Variants in SEPTIN8 observed in about 807,000 individuals in gnomAD.
SEPTIN8 encodes the protein septin 8, also known as septin-8.
In SEPTIN8, 22 loss-of-function variants were observed where a neutral mutation model predicts 53.1. The observed-to-expected ratio is 0.41, with a 90% CI of 0.30 to 0.59. The LOEUF is 0.59. Ranked by LOEUF, SEPTIN8 falls within the 20% of genes least tolerant of loss-of-function variation. SEPTIN8 has a pLI of 0.24. For synonymous variants in SEPTIN8, 228 were observed against 248.4 expected (o/e 0.92, Z 0.77); for missense variants, 536 against 638.7 (o/e 0.84, Z 1.73).
intron 1 of SEPTIN8, among the ~76,000 whole-genome samples, chr5:132,767,662 T>C (rs1756739829): frequency 6.6e-6 from 1 of 152,184 alleles, no homozygotes; most frequent in African/African-American, 2.4e-5. Flanking sequence ...CTCCAACTGC[T>C]ACGGCATCAG....
intron 9 of SEPTIN8, among the ~76,000 whole-genome samples, chr5:132,759,568 TG>T (rs1352939335): frequency 4.0e-4 from 61 of 152,180 alleles, no homozygotes; most frequent in African/African-American, 1.4e-3. Flanking sequence ...AAAGTCACTT[TG>T]GGTGCCAGTA....
rs1374726008 is a variant in SEPTIN8 at position 132,776,168 on chromosome 5, CCTCCTT to C, written c.30+934_30+939del. Among the ~76,000 whole-genome samples the C allele has an allele frequency of 6.6e-6, 1 of 152,000 alleles. No homozygotes were observed. The highest frequency in any genetic ancestry group is 1.5e-5 in the Non-Finnish European group (1 of 67,988). ...AGCCCTGGGCCTCCCTCCTCCTCCT[CCTCCTT>C]CTCCCCCTCCTCCCCCTTCCAGCCG... On this transcript the variant is annotated intron_variant, in intron 1 of 9. Transcript: ENST00000378719. This position sits in a 1 kb window ranked among gnomAD's most constrained non-coding sequence, Gnocchi z 4.4.
Position 132,752,137 on chromosome 5 carries a change from C to T in SEPTIN8, c.1331G>A (p.Ser444Asn). Reference protein sequence around the residue: ...GAHQPGMSLSSSKVMMTKASV... With the variant: ...GAHQPGMSLSNSKVMMTKASV... ...GGCCTTGGTCATCATCACCTTAGAG[C>T]TGGAGAGGCTCATGCCCGGCTGGTG... Residue 444 changes from serine to asparagine, a missense_variant, in exon 10 of 10, where the codon AGC (serine) becomes AAC (asparagine). Around this residue, in one of 3 missense-constraint regions of SEPTIN8, gnomAD observed 133 missense variants for 157.4 expected, o/e 0.84. Coordinates refer to ENST00000378719, the MANE Select transcript of SEPTIN8 (RefSeq NM_001098811.2). 1.3e-6 allele frequency: 2 copies of T among 1,597,922 alleles called. No homozygotes were observed. Among genetic ancestry groups the T allele is most frequent in the Admixed American group, 1.7e-5 (1 of 57,832 alleles).
chr5:132,756,009 A>G (rs1457803363), intron 9 of SEPTIN8: 1 of 985,252 alleles, frequency 1.0e-6, no homozygotes, highest in Admixed American at 6.1e-5. Flanking sequence ...AAAACTCAAA[A>G]TAAATGCAAA....
Position 132,773,077 on chromosome 5 carries a change from C to T in SEPTIN8, c.30+4031G>A, listed in dbSNP as rs929625373. On this transcript the variant is annotated intron_variant, in intron 1 of 9. Coordinates refer to ENST00000378719, the MANE Select transcript of SEPTIN8 (RefSeq NM_001098811.2). The surrounding 1 kb of genome is among the most constrained non-coding windows in gnomAD (Gnocchi z 4.2). ...CCAAGATGCCCCCTGCCCCGTCCTC[C>T]GCTGCCTCTTCCCAGCCAGTTCTTT... Among the ~76,000 whole-genome samples, 5 of 152,190 alleles carry T rather than the reference C, an allele frequency of 3.3e-5. No individual in the cohort carries two copies. Among genetic ancestry groups the T allele is most frequent in the African/African-American group, 1.2e-4 (5 of 41,430 alleles).
In SEPTIN8 at chr5:132,766,337, G is replaced by A. The variant is rs942712976; in HGVS notation, c.31-808C>T. On this transcript the variant is annotated intron_variant, in intron 1 of 9. Transcript: ENST00000378719. Reference sequence around the variant, plus strand: ...TAGACAGAAGGTTCCGGGTAAGAATGTGGAGGCCTGGCCTTAGCAGAGGGC... The same window carrying A: ...TAGACAGAAGGTTCCGGGTAAGAATATGGAGGCCTGGCCTTAGCAGAGGGC... 2.6e-5 allele frequency among the ~76,000 whole-genome samples: 4 copies of A among 152,202 alleles called. No individual in the cohort carries two copies. The South Asian group carries it at 6.2e-4, about 24-fold the overall frequency.
At chr5:132,769,982 CAT>C (rs1164726534) in intron 1 of SEPTIN8, among the ~76,000 whole-genome samples, 1,761 of 55,228 alleles carry the variant, frequency 0.032, 33 homozygotes, top group African/African-American at 0.059. Flanking sequence ...TCTATATATA[CAT>C]ATATATATAT....
Position 132,776,978 on chromosome 5 carries a change from C to T in SEPTIN8, c.30+130G>A. ...GGCCGAGAGCCCGCGCCGGGGTCCT[C>T]GAGCTGGCCCGGTGTCGAGGCCCGG... On this transcript the variant is annotated intron_variant, in intron 1 of 9. Transcript: ENST00000378719. This position sits in a 1 kb window ranked among gnomAD's most constrained non-coding sequence, Gnocchi z 4.4. The T allele has an allele frequency of 6.0e-6, 3 of 496,930 alleles. No individual in the cohort carries two copies. Among genetic ancestry groups the T allele is most frequent in the African/African-American group, 2.1e-5 (1 of 48,600 alleles). The allele number at this position is 496,930 out of a possible 1,614,324, so 30.8% of individuals were successfully genotyped here.
chr5:132,756,438 T>C lies in SEPTIN8; in HGVS notation c.1287-4257A>G, dbSNP rs576350924. 136 of 985,424 alleles carry C rather than the reference T, an allele frequency of 1.4e-4. 1 individual carries two copies. The South Asian group carries it at 4.2e-3, about 30-fold the overall frequency. 61.0% of individuals were successfully genotyped at this position (985,424 alleles called of 1,614,324 possible). On this transcript the variant is annotated intron_variant, in intron 9 of 9. Transcript: ENST00000378719. ...ATGGTTTATGATAAAGACATGATAGTAAATGCCAACATGATCCTGTAAGAC... is the reference window on the plus strand; with the variant it reads ...ATGGTTTATGATAAAGACATGATAGCAAATGCCAACATGATCCTGTAAGAC...
At chr5:132,753,137 G>T in intron 9 of SEPTIN8, 1 of 623,570 alleles carries the variant, frequency 1.6e-6, no homozygotes, top group Non-Finnish European at 2.8e-6. Context: ...AAATAAAGGG[G>T]AGAGGGGAAA....
At chr5:132,774,448 A>G (rs1757606850) in intron 1 of SEPTIN8, among the ~76,000 whole-genome samples, 1 of 152,222 alleles carries the variant, frequency 6.6e-6, no homozygotes. Context: ...GGAGGGGCAC[A>G]GCAAGAGTGG....
rs978771834 is a variant in SEPTIN8 at position 132,761,656 on chromosome 5, G to A, written c.794-30C>T. On this transcript the variant is annotated intron_variant, in intron 6 of 9. Transcript: ENST00000378719. This position sits in a 1 kb window ranked among gnomAD's most constrained non-coding sequence, Gnocchi z 5.8. ...AAGCAGAGGGCCGGTGGGGTATCAG[G>A]CAGGCATGCAGGCGGGCACACTCCA... 1.2e-6 allele frequency: 2 copies of A among 1,609,432 alleles called. No homozygotes were observed. The highest frequency in any genetic ancestry group is 1.7e-6 in the Non-Finnish European group (2 of 1,177,662).
At chr5:132,779,185 G>T (rs1443003035), upstream of SEPTIN8, among the ~76,000 whole-genome samples, 2 of 152,142 alleles carry the variant, frequency 1.3e-5, no homozygotes, top group Non-Finnish European at 2.9e-5. Flanking sequence ...GCTGCTGCTG[G>T]TCAGAACTTA....
rs1423473893 is a variant in SEPTIN8 at position 132,765,533 on chromosome 5, C to G, written c.31-4G>C. ...TCCGGGGCTCTGGCTCTGCATTCTG[C>G]CAAGAGAGAAATAAAGCAAGACATG... On this transcript the variant is annotated splice_polypyrimidine_tract_variant and splice_region_variant and intron_variant, in intron 1 of 9. Coordinates refer to ENST00000378719, the MANE Select transcript of SEPTIN8 (RefSeq NM_001098811.2). The G allele has an allele frequency of 6.3e-7, 1 of 1,584,854 alleles. No homozygotes were observed. The highest frequency in any genetic ancestry group is 1.9e-5 in the Admixed American group (1 of 53,956).
rs1581178346 is a variant in SEPTIN8 at position 132,767,991 on chromosome 5, C to CACACACACACACACA, written c.31-2463_31-2462insTGTGTGTGTGTGTGT. 6.9e-5 allele frequency among the ~76,000 whole-genome samples: 6 copies of CACACACACACACACA among 87,014 alleles called. No homozygotes were observed. The East Asian group carries it at 4.8e-3, about 70-fold the overall frequency. 57.1% of individuals were successfully genotyped at this position (87,014 alleles called of 152,430 possible). On this transcript the variant is annotated intron_variant, in intron 1 of 9. Coordinates refer to ENST00000378719, the MANE Select transcript of SEPTIN8 (RefSeq NM_001098811.2). ...CACACACACACACACACACACGCAG[C>CACACACACACACACA]CGCAGAGCACTTACTGAGAAGCAGA...
At chr5:132,757,058 A>AGAT (rs1270734653) in intron 9 of SEPTIN8, 1 of 985,302 alleles carries the variant, frequency 1.0e-6, no homozygotes, top group African/African-American at 1.7e-5. Context: ...TTACCTTTTT[A>AGAT]GATACCCTCA....
chr5:132,770,109 GTATATATATATATATGTATATA>G (rs1757140872), intron 1 of SEPTIN8, among the ~76,000 whole-genome samples: 1 of 80,800 alleles, frequency 1.2e-5, no homozygotes, highest in Admixed American at 1.4e-4. Context: ...ATGTATATAT[GTATATATATATATATGTATATA>G]TGTGTATGTG....
intron 9 of SEPTIN8, chr5:132,754,640 G>T: frequency 1.6e-6 from 1 of 625,420 alleles, no homozygotes. Flanking sequence ...TTGTATTGCC[G>T]AAGTCCCACT....
At chr5:132,763,945 G>C in intron 3 of SEPTIN8, 53 bp from the exon 4 acceptor site, 1 of 1,498,234 alleles carries the variant, frequency 6.7e-7, no homozygotes, top group Non-Finnish European at 8.9e-7. Context: ...AGGGGCTTGG[G>C]GCTTGGGGGG....
Sources: gnomAD v4.1 joint callset for allele counts (sites outside exome capture counted in the v4.1 genomes callset) on GRCh38, gnomAD v4.1.1 for gene constraint, gnomAD v4.1.1 regional missense constraint, Gnocchi (gnomAD v3.1) non-coding constraint, MANE v1.5 for transcripts, NCBI Gene and HGNC (gene_info 2026-07-23, HGNC 2026-07-21) for gene names.